RPS6KC1: variants seen among roughly 807,000 people sequenced by gnomAD.
The protein encoded by RPS6KC1 is ribosomal protein S6 kinase C1, also known as inactive ribosomal protein S6 kinase delta-1.
A neutral mutation model predicts 103.8 loss-of-function variants in RPS6KC1; 54 were observed. The observed-to-expected ratio is 0.52, with a 90% CI of 0.42 to 0.65. The LOEUF is 0.65. RPS6KC1 is among the 30% of genes least tolerant of loss of function. RPS6KC1 has a pLI of 0.00. For missense variants in RPS6KC1, 1,151 were observed against 1,253.8 expected, an observed-to-expected ratio of 0.92 and a Z score of 1.24; for synonymous variants, 439 against 438.7, an observed-to-expected ratio of 1.00 and a Z score of -0.01.
chr1:213,425,015 C>T, the RPS6KC1 span, among the ~76,000 whole-genome samples: 3 of 152,156 alleles, frequency 2.0e-5, no homozygotes, highest in African/African-American at 2.4e-5. Context: ...AAGCTCACAT[C>T]GCTGTTCCAG....
the RPS6KC1 span, among the ~76,000 whole-genome samples, chr1:213,605,233 C>G: frequency 6.6e-6 from 1 of 152,072 alleles, no homozygotes; most frequent in African/African-American, 2.4e-5. Flanking sequence ...CACTTAGTAG[C>G]CATTTGAAAA....
chr1:213,462,618 G>A, the RPS6KC1 span, among the ~76,000 whole-genome samples: 1 of 152,280 alleles, frequency 6.6e-6, no homozygotes, highest in African/African-American at 2.4e-5. Context: ...CATGGATGAA[G>A]CTGGAAACCA....
At chr1:213,527,494 C>T in the RPS6KC1 span, among the ~76,000 whole-genome samples, 1 of 152,136 alleles carries the variant, frequency 6.6e-6, no homozygotes. Flanking sequence ...CACAGTGAGA[C>T]CAGAACACAG....
intron 4 of RPS6KC1, among the ~76,000 whole-genome samples, chr1:213,111,153 T>G (rs1169268474): frequency 6.6e-6 from 1 of 152,174 alleles, no homozygotes; most frequent in Non-Finnish European, 1.5e-5. Context: ...CTCTTTCATT[T>G]GCTTTATGCT....
intron 1 of RPS6KC1, among the ~76,000 whole-genome samples, chr1:213,068,873 A>ATATGTGTG (rs977346443): frequency 1.6e-5 from 2 of 127,370 alleles, no homozygotes; most frequent in East Asian, 2.3e-4. Context: ...AAGTGTATAT[A>ATATGTGTG]TGTGTGTGTG....
At chr1:213,466,931 A>G in the RPS6KC1 span, among the ~76,000 whole-genome samples, 3 of 152,134 alleles carry the variant, frequency 2.0e-5, no homozygotes, top group African/African-American at 7.2e-5. Flanking sequence ...ATCCAATTTA[A>G]TATTCTATTA....
intron 3 of RPS6KC1, among the ~76,000 whole-genome samples, chr1:213,092,813 A>G (rs1336426178): frequency 1.3e-5 from 2 of 152,232 alleles, no homozygotes; most frequent in African/African-American, 2.4e-5. Context: ...ACCTATACAC[A>G]TTTGTATAGT....
chr1:213,708,077 G>A, the RPS6KC1 span, among the ~76,000 whole-genome samples: 1 of 152,182 alleles, frequency 6.6e-6, no homozygotes, highest in African/African-American at 2.4e-5. Flanking sequence ...ATTCTGTGAA[G>A]AAAGTCAATG....
At chr1:213,068,353 A>T (rs1466894229) in intron 1 of RPS6KC1, among the ~76,000 whole-genome samples, 1 of 151,928 alleles carries the variant, frequency 6.6e-6, no homozygotes, top group East Asian at 1.9e-4. Flanking sequence ...GCATGGTAGC[A>T]CATGCCTGTA....
the RPS6KC1 span, among the ~76,000 whole-genome samples, chr1:213,708,212 C>T: frequency 6.6e-5 from 10 of 152,114 alleles, no homozygotes; most frequent in African/African-American, 2.2e-4. Flanking sequence ...TCTCTTATTT[C>T]CTTGAGCAGT....
the RPS6KC1 span, among the ~76,000 whole-genome samples, chr1:213,418,719 G>A: frequency 6.6e-6 from 1 of 152,226 alleles, no homozygotes; most frequent in Non-Finnish European, 1.5e-5. Flanking sequence ...CAGGGGTGGA[G>A]TTGTTGAGGC....
the RPS6KC1 span, among the ~76,000 whole-genome samples, chr1:213,859,707 A>C: frequency 2.0e-5 from 3 of 152,296 alleles, no homozygotes; most frequent in East Asian, 5.8e-4. Context: ...TCCAGAAAAT[A>C]CTGTGACTTT....
chr1:213,602,581 T>G, the RPS6KC1 span, among the ~76,000 whole-genome samples: 1 of 152,070 alleles, frequency 6.6e-6, no homozygotes, highest in Non-Finnish European at 1.5e-5. Flanking sequence ...GAATAACATT[T>G]TATAGTCTTC....
chr1:213,386,331 A>G, the RPS6KC1 span, among the ~76,000 whole-genome samples: 1 of 152,158 alleles, frequency 6.6e-6, no homozygotes, highest in Non-Finnish European at 1.5e-5. Flanking sequence ...TTCTTTATAA[A>G]TTGCCCAGCC....
At chr1:213,525,952 G>T in the RPS6KC1 span, among the ~76,000 whole-genome samples, 1 of 152,214 alleles carries the variant, frequency 6.6e-6, no homozygotes, top group Non-Finnish European at 1.5e-5. Context: ...TTGTGCTGCT[G>T]ATAGGGAAGA....
At chr1:213,517,707 T>G in the RPS6KC1 span, among the ~76,000 whole-genome samples, 2 of 152,204 alleles carry the variant, frequency 1.3e-5, no homozygotes. Context: ...TATATTCTGT[T>G]GATTTGGGGT....
chr1:213,493,465 A>G, the RPS6KC1 span, among the ~76,000 whole-genome samples: 2 of 152,198 alleles, frequency 1.3e-5, no homozygotes, highest in Non-Finnish European at 2.9e-5. Context: ...CTAACGGCCA[A>G]CGTTTGAAGT....
chr1:213,577,126 G>A, the RPS6KC1 span, among the ~76,000 whole-genome samples: 1 of 152,144 alleles, frequency 6.6e-6, no homozygotes, highest in Non-Finnish European at 1.5e-5. Flanking sequence ...ACTGTTGGGA[G>A]GTAATTTAAT....
chr1:213,235,203 A>G (rs533830119), intron 10 of RPS6KC1, among the ~76,000 whole-genome samples: 1 of 152,144 alleles, frequency 6.6e-6, no homozygotes, highest in Non-Finnish European at 1.5e-5. Flanking sequence ...ACTACTCATG[A>G]TTTATGTGAG....
Sources: allele counts gnomAD v4.1 joint callset (sites outside exome capture counted in the v4.1 genomes callset), GRCh38; gene constraint gnomAD v4.1.1; transcripts MANE v1.5; gene names NCBI Gene and HGNC (gene_info 2026-07-23, HGNC 2026-07-21).